FHIT: variants seen among roughly 807,000 people sequenced by gnomAD.
The protein encoded by FHIT is fragile histidine triad diadenosine triphosphatase.
FHIT carries 19 observed loss-of-function variants against 17.9 expected under a neutral mutation model. The observed-to-expected ratio is 1.06, with a 90% CI of 0.74 to 1.56. The LOEUF (loss-of-function observed/expected upper bound fraction) is 1.56. FHIT is among the 40% of genes most tolerant of loss of function. FHIT has a pLI of 0.00. For missense variants in FHIT, 248 were observed against 189.2 expected (o/e 1.31, Z -1.82); for synonymous variants, 81 against 69.7 (o/e 1.16, Z -0.81).
chr3:60,663,265 A>G (rs1204825907), intron 4 of FHIT, among the ~76,000 whole-genome samples: 1 of 149,274 alleles, frequency 6.7e-6, no homozygotes, highest in Non-Finnish European at 1.5e-5. Flanking sequence ...AGATCAAATA[A>G]GTTTGCTAGA....
chr3:60,570,180 T>C (rs1178084727), intron 4 of FHIT, among the ~76,000 whole-genome samples: 1 of 152,080 alleles, frequency 6.6e-6, no homozygotes, highest in East Asian at 1.9e-4. Flanking sequence ...GGAATCACTG[T>C]CAGAGTTTCA....
At position 60,189,713 on chromosome 3, in the gene FHIT, G is replaced by T. The variant is rs115499078; in HGVS notation, c.104-175561C>A. ...AATGTGAATGTTTTAGTAATGACATGAATCGTTTTTCAGCTCTCTGACATT... is the reference window on the plus strand; with the variant it reads ...AATGTGAATGTTTTAGTAATGACATTAATCGTTTTTCAGCTCTCTGACATT... On this transcript the variant is annotated intron_variant, in intron 5 of 9. Coordinates refer to ENST00000492590, the MANE Select transcript of FHIT (RefSeq NM_002012.4). Among the ~76,000 whole-genome samples the T allele has an allele frequency of 1.6e-3, 237 of 152,290 alleles. 1 individual carries two copies. The highest frequency in any genetic ancestry group is 2.7e-3 in the South Asian group (13 of 4,824).
At chr3:59,956,651 A>C (rs1197435917) in intron 7 of FHIT, among the ~76,000 whole-genome samples, 1 of 152,162 alleles carries the variant, frequency 6.6e-6, no homozygotes, top group African/African-American at 2.4e-5. Context: ...CTGGTGACAG[A>C]ACAAGACTGT....
In FHIT at chr3:61,135,668, GTTTA is replaced by G. The variant is rs1367188278; in HGVS notation, c.-164+64945_-164+64948del. On this transcript the variant is annotated intron_variant, in intron 2 of 9. Transcript: ENST00000492590. The stretch of plus-strand genomic sequence containing the variant: ...ATTTCTGGTTTTACTAGAGAATTTA[GTTTA>G]TTTATCTTCCCTGTCTATTTCTTCA... Among the ~76,000 whole-genome samples, 13 of 152,146 alleles carry G rather than the reference GTTTA, an allele frequency of 8.5e-5. No individual in the cohort carries two copies. The East Asian group carries it at 1.7e-3, about 20-fold the overall frequency.
chr3:60,824,754 G>A (rs1344826807), intron 3 of FHIT, among the ~76,000 whole-genome samples: 3 of 152,108 alleles, frequency 2.0e-5, no homozygotes, highest in Non-Finnish European at 4.4e-5. Flanking sequence ...AGATCTGATG[G>A]TTTAAAACAT....
intron 2 of FHIT, among the ~76,000 whole-genome samples, chr3:61,148,205 TTCTC>T (rs1051009900): frequency 3.3e-5 from 5 of 152,086 alleles, no homozygotes; most frequent in African/African-American, 9.6e-5. Flanking sequence ...ATGAATTATT[TTCTC>T]TCTATGGTAT....
intron 5 of FHIT, among the ~76,000 whole-genome samples, chr3:60,451,158 TTTA>T (rs200130582): frequency 1.4e-5 from 2 of 142,256 alleles, no homozygotes; most frequent in African/African-American, 5.4e-5. Flanking sequence ...ATATTTTTAC[TTTA>T]TTTTTTTTAA....
chr3:60,803,871 G>T (rs1553733100), intron 4 of FHIT, among the ~76,000 whole-genome samples: 1 of 152,194 alleles, frequency 6.6e-6, no homozygotes. Context: ...TTCAGAAGAG[G>T]TTAGCAAAAT....
At chr3:60,359,981 C>CT (rs368086333) in intron 5 of FHIT, among the ~76,000 whole-genome samples, 205 of 132,814 alleles carry the variant, frequency 1.5e-3, no homozygotes, top group South Asian at 8.8e-3. Context: ...ACATTCAAGA[C>CT]TTTTTTTTTT....
intron 3 of FHIT, among the ~76,000 whole-genome samples, chr3:61,017,561 T>G (rs1397011178): frequency 6.6e-6 from 1 of 152,212 alleles, no homozygotes; most frequent in Admixed American, 6.5e-5. Context: ...CAATTTGTAT[T>G]CCCATTAGCC....
intron 5 of FHIT, among the ~76,000 whole-genome samples, chr3:60,363,233 G>C (rs750832029): frequency 1.3e-5 from 2 of 152,102 alleles, no homozygotes; most frequent in Non-Finnish European, 2.9e-5. Flanking sequence ...GCTCTACCCA[G>C]TTTGTGTCCC....
intron 8 of FHIT, among the ~76,000 whole-genome samples, chr3:59,788,879 A>ATTTTTTTTTTTTTTTTTTTTT (rs896400961): frequency 3.0e-4 from 1 of 3,310 alleles, no homozygotes; most frequent in Non-Finnish European, 7.0e-4. Flanking sequence ...CTGAGTTCAT[A>ATTTTTTTTTTTTTTTTTTTTT]TGTTTTTTTT....
intron 5 of FHIT, among the ~76,000 whole-genome samples, chr3:60,453,489 G>A (rs373718951): frequency 1.1e-4 from 17 of 152,320 alleles, no homozygotes; most frequent in Non-Finnish European, 5.9e-5. Context: ...ATAGATAGAT[G>A]TGGGAAGTCA....
chr3:60,522,172 C>T (rs1000920938), intron 5 of FHIT, among the ~76,000 whole-genome samples: 5 of 148,750 alleles, frequency 3.4e-5, no homozygotes, highest in African/African-American at 1.2e-4. Context: ...TGCAGTGGCA[C>T]GATCTGAGCT....
At chr3:60,808,788 C>A (rs1701479912) in intron 4 of FHIT, among the ~76,000 whole-genome samples, 1 of 152,086 alleles carries the variant, frequency 6.6e-6, no homozygotes, top group African/African-American at 2.4e-5. Context: ...ACTAGTTCTC[C>A]CCCCTGATTT....
At chr3:61,207,246 T>C (rs186873905) in intron 1 of FHIT, among the ~76,000 whole-genome samples, 2,022 of 152,306 alleles carry the variant, frequency 0.013, 21 homozygotes, top group Middle Eastern at 0.075. Flanking sequence ...GGTTTCTGCA[T>C]TGATGTTCAT....
intron 1 of FHIT, among the ~76,000 whole-genome samples, chr3:61,216,635 C>G (rs1201309249): frequency 6.6e-6 from 1 of 152,200 alleles, no homozygotes; most frequent in African/African-American, 2.4e-5. Context: ...CCAGCCATGC[C>G]ATTACTGCGT....
chr3:61,248,437 G>C (rs1437550547), intron 1 of FHIT, among the ~76,000 whole-genome samples: 1 of 152,180 alleles, frequency 6.6e-6, no homozygotes, highest in East Asian at 1.9e-4. Flanking sequence ...GAAGAGACCA[G>C]AGTTACCTGC....
intron 5 of FHIT, among the ~76,000 whole-genome samples, chr3:60,385,988 T>A (rs960841801): frequency 6.6e-6 from 1 of 152,160 alleles, no homozygotes; most frequent in Non-Finnish European, 1.5e-5. Context: ...ACGAACTCTT[T>A]AGAGCTGACT....
Sources: allele counts gnomAD v4.1 joint callset (sites outside exome capture counted in the v4.1 genomes callset), GRCh38; gene constraint gnomAD v4.1.1; transcripts MANE v1.5; gene names NCBI Gene and HGNC (gene_info 2026-07-23, HGNC 2026-07-21).